The following FANCD2 variants were observed in gnomAD, a reference collection of about 807,000 sequenced individuals.
The protein encoded by FANCD2 is Fanconi anemia group D2 protein.
A neutral mutation model predicts 192.3 loss-of-function variants in FANCD2; 131 were observed. The ratio of observed to expected loss-of-function variants is 0.68; its 90% CI spans 0.59 to 0.79. FANCD2 has a LOEUF of 0.79. Ranked by LOEUF, FANCD2 falls within the 30% of genes least tolerant of loss-of-function variation. FANCD2 has a pLI of 0.00. For synonymous variants in FANCD2, 524 were observed against 612.5 expected (o/e 0.86, Z 2.13); for missense variants, 1,508 against 1,701.6 (o/e 0.89, Z 2.00).
At chr3:10,044,202 C>G (rs543608827) in intron 14 of FANCD2, among the ~76,000 whole-genome samples, 8 of 152,344 alleles carry the variant, frequency 5.3e-5, no homozygotes, top group African/African-American at 1.9e-4. Flanking sequence ...GTCCCTGTAT[C>G]TGCCTAATTG....
rs771445756 is a variant in FANCD2 at position 10,032,950 on chromosome 3, G to A, written c.183G>A (p.Thr61=). 60 of 1,588,664 alleles carry A rather than the reference G, an allele frequency of 3.8e-5. 1 individual carries two copies. Among genetic ancestry groups the A allele is most frequent in the Admixed American group, 1.8e-4 (11 of 59,948 alleles). ...LLKISGIILK[T]GESQNQLAVD... The stretch of plus-strand genomic sequence containing the variant: ...AGATATCAGGAATTATTCTTAAAAC[G>A]GGAGAGAGTCAGAATCAACTAGGTA... Residue 61 remains threonine (T), a synonymous_variant, in exon 3 of 44, where the codon ACG becomes ACA. Coordinates refer to ENST00000675286, the MANE Select transcript of FANCD2 (RefSeq NM_001018115.3).
chr3:10,057,043 A>G (rs933284227), intron 18 of FANCD2, among the ~76,000 whole-genome samples: 3 of 152,058 alleles, frequency 2.0e-5, no homozygotes, highest in Admixed American at 1.3e-4. Context: ...TTTGGTAGAC[A>G]TTATGTTTTG....
intron 26 of FANCD2, among the ~76,000 whole-genome samples, chr3:10,069,557 C>G (rs1175563588): frequency 6.7e-6 from 1 of 150,132 alleles, no homozygotes; most frequent in East Asian, 2.0e-4. Context: ...ACTGCAACCT[C>G]CCTGCCTGAT....
At chr3:10,075,722 A>G (rs922205670) in intron 29 of FANCD2, among the ~76,000 whole-genome samples, 3 of 138,542 alleles carry the variant, frequency 2.2e-5, no homozygotes, top group Non-Finnish European at 3.0e-5. Flanking sequence ...GAACAGAAAT[A>G]GTATCCTTTT....
chr3:10,032,285 ATT>A (rs1391510484), intron 2 of FANCD2: 1 of 401,696 alleles, frequency 2.5e-6, no homozygotes, highest in Non-Finnish European at 4.9e-6. Context: ...ATTTGTTTGA[ATT>A]TATTTTTTTA....
In FANCD2 at chr3:10,049,425, G is replaced by A. The variant is rs761454597; in HGVS notation, c.1465G>A (p.Val489Ile). The A allele has an allele frequency of 6.2e-6, 10 of 1,612,062 alleles. No homozygotes were observed. The highest frequency in any genetic ancestry group is 8.5e-6 in the Non-Finnish European group (10 of 1,179,000). Residue 489 changes from valine to isoleucine, a missense_variant, in exon 17 of 44, where the codon GTT becomes ATT. Val to Ile is a conservative substitution (Grantham distance 29). Around this residue, in one of 5 missense-constraint regions of FANCD2, gnomAD observed 108 missense variants for 174.1 expected, o/e 0.62. Transcript: ENST00000675286. Reference sequence around the variant, plus strand: ...TATCTGCAGTGGGAATGAAGCTGAAGTTGATACTGCCTTAGATGTCCTTCT... The same window carrying A: ...TATCTGCAGTGGGAATGAAGCTGAAATTGATACTGCCTTAGATGTCCTTCT... ...THICSGNEAE[V>I]DTALDVLLEL... is the part of the protein sequence containing the mutation.
At chr3:10,089,536 C>G (rs1183451364) in intron 36 of FANCD2, among the ~76,000 whole-genome samples, 1 of 152,014 alleles carries the variant, frequency 6.6e-6, no homozygotes, top group Non-Finnish European at 1.5e-5. Flanking sequence ...GTGGCGTAAT[C>G]TCAGCTCACT....
chr3:10,054,370 T>TAC (rs1559383048), intron 18 of FANCD2, among the ~76,000 whole-genome samples: 1 of 87,090 alleles, frequency 1.1e-5, no homozygotes, highest in Non-Finnish European at 2.1e-5. Context: ...TATATATACG[T>TAC]GTATATACAT....
intron 2 of FANCD2, among the ~76,000 whole-genome samples, chr3:10,031,285 C>CCT (rs2086587240): frequency 6.6e-6 from 1 of 152,034 alleles, no homozygotes; most frequent in Non-Finnish European, 1.5e-5. Context: ...GGGCAGATCA[C>CCT]GAGGTCAGGA....
chr3:10,039,960 C>A, intron 9 of FANCD2, 115 bp downstream of exon 9: 2 of 1,199,952 alleles, frequency 1.7e-6, no homozygotes, highest in South Asian at 1.3e-5. Flanking sequence ...AGGATGATAC[C>A]CCCCTTCATG....
At chr3:10,054,212 AAAATAAATAAAT>A (rs935293858) in intron 18 of FANCD2, among the ~76,000 whole-genome samples, 2 of 150,930 alleles carry the variant, frequency 1.3e-5, no homozygotes. Context: ...ACTCTATCTC[AAAATAAATAAAT>A]AAATAAATAA....
At chr3:10,072,570 C>T (rs1305154750) in intron 26 of FANCD2, among the ~76,000 whole-genome samples, 4 of 152,222 alleles carry the variant, frequency 2.6e-5, no homozygotes, top group African/African-American at 2.4e-5. Context: ...GCGAGCCACC[C>T]TGCCTGGCCA....
intron 33 of FANCD2, 111 bp from the exon 34 acceptor site, chr3:10,087,023 T>C: frequency 8.6e-7 from 1 of 1,165,864 alleles, no homozygotes; most frequent in Non-Finnish European, 1.3e-6. Flanking sequence ...AGGAGGATTC[T>C]GATTAGGCCG....
chr3:10,052,532 T>C, intron 18 of FANCD2, 35 bp downstream of exon 18: 1 of 1,473,296 alleles, frequency 6.8e-7, no homozygotes, highest in Non-Finnish European at 9.5e-7. Flanking sequence ...ATTTTTTTTT[T>C]TTTGAGACAG....
At chr3:10,083,490 A>T (rs1488220485) in intron 32 of FANCD2, 2 of 152,182 alleles carry the variant, frequency 1.3e-5, no homozygotes, top group African/African-American at 4.8e-5. Context: ...ACAATGGTAC[A>T]TCCATATTGG....
intron 12 of FANCD2, 39 bp from the exon 13 acceptor site, chr3:10,043,445 A>C (rs1299654169): frequency 1.3e-6 from 2 of 1,508,336 alleles, no homozygotes; most frequent in Non-Finnish European, 9.2e-7. Flanking sequence ...CTTTTCTGGT[A>C]CGTAGAAGAG....
In FANCD2 at chr3:10,094,376, AG is replaced by A; in HGVS notation, c.3963+14del. On this transcript the variant is annotated intron_variant, in intron 40 of 43. Transcript: ENST00000675286. ...TAGAAAACACCGGGTAAGAGCTAAG[AG>A]CAGAGAACAAAGATATGCACTGAAG... The A allele has an allele frequency of 6.2e-7, 1 of 1,608,462 alleles. No individual in the cohort carries two copies.
chr3:10,092,265 A>T lies in FANCD2; in HGVS notation c.3849+13A>T. 1 of 1,591,226 alleles carries T rather than the reference A, an allele frequency of 6.3e-7. No homozygotes were observed. Among genetic ancestry groups the T allele is most frequent in the East Asian group, 2.2e-5 (1 of 44,754 alleles). ...CAACTTGATAAAGGTGAGTATGGAG[A>T]CTGCTTGACACATCTCACCAAATAA... On this transcript the variant is annotated intron_variant, in intron 38 of 43. Coordinates refer to ENST00000675286, the MANE Select transcript of FANCD2 (RefSeq NM_001018115.3).
At chr3:10,056,929 A>C (rs1183531654) in intron 18 of FANCD2, among the ~76,000 whole-genome samples, 1 of 152,064 alleles carries the variant, frequency 6.6e-6, no homozygotes, top group East Asian at 1.9e-4. Context: ...ATCTTGGCTT[A>C]CTGCAACCTC....
Sources: allele counts gnomAD v4.1 joint callset (sites outside exome capture counted in the v4.1 genomes callset), GRCh38; gene constraint gnomAD v4.1.1; regional missense constraint gnomAD v4.1.1; transcripts MANE v1.5; gene names NCBI Gene and HGNC (gene_info 2026-07-23, HGNC 2026-07-21).